SMAP2: variants seen among roughly 807,000 people sequenced by gnomAD.
SMAP2 encodes small ArfGAP2, also known as stromal membrane-associated protein 2.
Under a neutral mutation model 56.4 loss-of-function variants are expected in SMAP2, and 25 were observed. The observed-to-expected ratio is 0.44, with a 90% confidence interval of 0.32 to 0.62. SMAP2 has a LOEUF of 0.62. Ranked by LOEUF, SMAP2 falls within the 20% of genes least tolerant of loss-of-function variation. The pLI, the probability that SMAP2 is intolerant of heterozygous loss-of-function variation, is 0.04. For synonymous variants in SMAP2, 157 were observed against 181.7 expected, an observed-to-expected ratio of 0.86 and a Z score of 1.09; for missense variants, 388 against 545.6, an observed-to-expected ratio of 0.71 and a Z score of 2.88.
At chr1:40,391,169 G>A (rs1406572778) in intron 1 of SMAP2, among the ~76,000 whole-genome samples, 1 of 152,142 alleles carries the variant, frequency 6.6e-6, no homozygotes, top group African/African-American at 2.4e-5. Flanking sequence ...AGGGGAAATC[G>A]TTTCTGTTGG....
intron 1 of SMAP2, among the ~76,000 whole-genome samples, chr1:40,401,834 C>T (rs972208829): frequency 1.3e-5 from 2 of 152,198 alleles, no homozygotes; most frequent in Non-Finnish European, 2.9e-5. Context: ...CAGATTTTTC[C>T]GATACTGAAC....
At chr1:40,355,999 C>T (rs1644433755) in intron 1 of SMAP2, among the ~76,000 whole-genome samples, 1 of 152,102 alleles carries the variant, frequency 6.6e-6, no homozygotes, top group Non-Finnish European at 1.5e-5. Flanking sequence ...CCTTCCCTGT[C>T]TCTGGTAACC....
At chr1:40,389,372 A>G (rs1409975593) in intron 1 of SMAP2, among the ~76,000 whole-genome samples, 4 of 152,274 alleles carry the variant, frequency 2.6e-5, no homozygotes, top group South Asian at 4.1e-4. Context: ...TTTCATGTCT[A>G]TCTGCATACT....
At chr1:40,349,784 G>T (rs915146340) in intron 1 of SMAP2, among the ~76,000 whole-genome samples, 2 of 152,176 alleles carry the variant, frequency 1.3e-5, no homozygotes, top group Non-Finnish European at 2.9e-5. Flanking sequence ...CTCCCAAAGT[G>T]CTTGTATTAT....
At chr1:40,384,386 T>A (rs539462445) in intron 1 of SMAP2, among the ~76,000 whole-genome samples, 2 of 152,110 alleles carry the variant, frequency 1.3e-5, no homozygotes, top group Non-Finnish European at 2.9e-5. Context: ...CTGAAAAAAA[T>A]ATTTTGTCTT....
chr1:40,392,386 G>C (rs999032193), intron 1 of SMAP2, among the ~76,000 whole-genome samples: 3 of 152,142 alleles, frequency 2.0e-5, no homozygotes, highest in African/African-American at 4.8e-5. Flanking sequence ...GTCCTGGCAG[G>C]CTCCGTGTTC....
At chr1:40,407,361 C>A (rs959926186) in intron 2 of SMAP2, among the ~76,000 whole-genome samples, 1 of 151,980 alleles carries the variant, frequency 6.6e-6, no homozygotes, top group Non-Finnish European at 1.5e-5. Context: ...CCTGGTGGTA[C>A]GTACCTGTAA....
chr1:40,372,687 A>G (rs79785427), upstream of SMAP2, among the ~76,000 whole-genome samples: 1,618 of 152,306 alleles, frequency 0.011, 21 homozygotes, highest in African/African-American at 0.037. Flanking sequence ...CTTGGGAGAA[A>G]GTAAAGAAAT....
At chr1:40,390,752 C>A (rs939323731) in intron 1 of SMAP2, among the ~76,000 whole-genome samples, 14 of 152,172 alleles carry the variant, frequency 9.2e-5, no homozygotes, top group African/African-American at 3.4e-4. Context: ...CCAGCTGATC[C>A]TTTCTTCTGT....
chr1:40,410,687 A>T (rs898813672), intron 4 of SMAP2, among the ~76,000 whole-genome samples: 2 of 152,120 alleles, frequency 1.3e-5, no homozygotes, highest in Admixed American at 1.3e-4. Context: ...ATTCCATCCT[A>T]GGCATGTTTA....
chr1:40,404,500 CA>C (rs2124331087), intron 1 of SMAP2, among the ~76,000 whole-genome samples: 1 of 152,312 alleles, frequency 6.6e-6, no homozygotes, highest in South Asian at 2.1e-4. Context: ...GGAGCTGTGA[CA>C]GTGGCTTAGA....
chr1:40,384,272 T>C (rs1644631971), intron 1 of SMAP2, among the ~76,000 whole-genome samples: 1 of 152,194 alleles, frequency 6.6e-6, no homozygotes, highest in Non-Finnish European at 1.5e-5. Context: ...TGCATGTTAG[T>C]TTAACTAGTC....
At chr1:40,390,959 G>A (rs984289854) in intron 1 of SMAP2, among the ~76,000 whole-genome samples, 2 of 152,008 alleles carry the variant, frequency 1.3e-5, no homozygotes, top group Non-Finnish European at 2.9e-5. Flanking sequence ...CTTAAAAATG[G>A]TTCCTCTAGA....
intron 1 of SMAP2, among the ~76,000 whole-genome samples, chr1:40,396,422 A>T (rs1381426933): frequency 6.6e-6 from 1 of 152,138 alleles, no homozygotes; most frequent in Admixed American, 6.5e-5. Context: ...TGATTTTCTA[A>T]TTTTAAATTT....
chr1:40,362,044 C>A (rs1393001429), intron 1 of SMAP2, among the ~76,000 whole-genome samples: 2 of 152,182 alleles, frequency 1.3e-5, no homozygotes, highest in African/African-American at 2.4e-5. Context: ...CGAGCAAGTG[C>A]AGATGGCTGT....
chr1:40,393,947 C>CT (rs1644743911), intron 1 of SMAP2, among the ~76,000 whole-genome samples: 1 of 152,120 alleles, frequency 6.6e-6, no homozygotes, highest in South Asian at 2.1e-4. Flanking sequence ...CTGATTCACC[C>CT]TTTTTTCCAA....
chr1:40,415,311 G>A lies in SMAP2; in HGVS notation c.611G>A (p.Ser204Asn). Residue 204 changes from serine (S) to asparagine (N), a missense_variant, in exon 7 of 10, where the codon AGC becomes AAC. Physicochemically the swap from Ser to Asn is conservative, Grantham distance 46 (BLOSUM62 1). Coordinates refer to ENST00000372718, the MANE Select transcript of SMAP2 (RefSeq NM_022733.3). ...VACSIANSKTSNTLEKDLDLL... is the reference protein window; with the variant it reads ...VACSIANSKTNNTLEKDLDLL... ...TGCTCCATTGCAAATAGTAAGACCAGCAATACCCTAGAGAAGGATTTAGAT... is the reference window on the plus strand; with the variant it reads ...TGCTCCATTGCAAATAGTAAGACCAACAATACCCTAGAGAAGGATTTAGAT... 1 of 1,614,004 alleles carries A rather than the reference G, an allele frequency of 6.2e-7. No homozygotes were observed. The highest frequency in any genetic ancestry group is 1.1e-5 in the South Asian group (1 of 91,078).
At chr1:40,403,739 C>T (rs963203042) in intron 1 of SMAP2, 21 of 768,148 alleles carry the variant, frequency 2.7e-5, no homozygotes, top group Non-Finnish European at 3.0e-5. Context: ...AACTAAGGCT[C>T]AGGAAATGTA....
chr1:40,360,004 CTT>C (rs775408458), intron 1 of SMAP2, among the ~76,000 whole-genome samples: 1 of 102,484 alleles, frequency 9.8e-6, no homozygotes, highest in Non-Finnish European at 1.8e-5. Flanking sequence ...CTTCTTCTTT[CTT>C]TTTTTTTTTT....
Sources: gnomAD v4.1 joint callset for allele counts (sites outside exome capture counted in the v4.1 genomes callset) on GRCh38, gnomAD v4.1.1 for gene constraint, MANE v1.5 for transcripts, NCBI Gene and HGNC (gene_info 2026-07-23, HGNC 2026-07-21) for gene names.